VPS13D: variants seen among roughly 807,000 people sequenced by gnomAD.
VPS13D encodes the protein vacuolar protein sorting 13 homolog D, also known as intermembrane lipid transfer protein VPS13D.
In VPS13D, 187 loss-of-function variants were observed where a neutral mutation model predicts 461.9. The observed-to-expected ratio is 0.40, with a 90% CI of 0.36 to 0.46. The LOEUF (loss-of-function observed/expected upper bound fraction) is 0.46, where lower values mean the gene tolerates loss of function less well. Among genes scored for constraint, VPS13D ranks in the 20% least tolerant of loss-of-function variants. The probability of loss-of-function intolerance (pLI) is 0.60; values close to 1 mark genes in which losing one functional copy is unlikely to be tolerated. For synonymous variants in VPS13D, 1,951 were observed against 1,986.3 expected, an observed-to-expected ratio of 0.98 and a Z score of 0.47; for missense variants, 4,711 against 5,364.9, an observed-to-expected ratio of 0.88 and a Z score of 3.81.
chr1:12,327,230 G>A (rs1430782212), intron 35 of VPS13D, among the ~76,000 whole-genome samples: 11 of 152,218 alleles, frequency 7.2e-5, no homozygotes, highest in Middle Eastern at 6.8e-3. Flanking sequence ...CCATGCCCTC[G>A]ATCATTTACA....
At chr1:12,472,762 T>C (rs934347665) in intron 67 of VPS13D, among the ~76,000 whole-genome samples, 27 of 152,252 alleles carry the variant, frequency 1.8e-4, no homozygotes, top group African/African-American at 6.5e-4. Flanking sequence ...CTTTCCCCTT[T>C]ACCCCCAACT....
At chr1:12,476,480 G>T (rs781705721) in intron 67 of VPS13D, among the ~76,000 whole-genome samples, 1 of 152,198 alleles carries the variant, frequency 6.6e-6, no homozygotes, top group Non-Finnish European at 1.5e-5. Context: ...TCATTTACGT[G>T]TATTAATGTA....
At chr1:12,264,025 C>A (rs1262099571) in intron 13 of VPS13D, among the ~76,000 whole-genome samples, 1 of 152,138 alleles carries the variant, frequency 6.6e-6, no homozygotes, top group Non-Finnish European at 1.5e-5. Context: ...TAGTAATTTG[C>A]CCAGTATTTC....
intron 66 of VPS13D, among the ~76,000 whole-genome samples, chr1:12,456,374 A>G (rs1345722474): frequency 6.6e-6 from 1 of 152,058 alleles, no homozygotes; most frequent in East Asian, 1.9e-4. Context: ...ACAGTGGCTC[A>G]ATCCTGTAAT....
At chr1:12,319,825 T>C (rs1356089933) in intron 32 of VPS13D, among the ~76,000 whole-genome samples, 195 bp downstream of exon 32, 2 of 152,246 alleles carry the variant, frequency 1.3e-5, no homozygotes, top group East Asian at 3.8e-4. Flanking sequence ...CTCCCAGTGT[T>C]AGTCTATAAA....
chr1:12,303,417 C>T (rs1296963458), intron 25 of VPS13D, among the ~76,000 whole-genome samples: 1 of 152,110 alleles, frequency 6.6e-6, no homozygotes, highest in Admixed American at 6.5e-5. Context: ...AAACCAACTA[C>T]AGAGAGGATG....
chr1:12,376,757 G>C (rs1318176701), intron 55 of VPS13D, among the ~76,000 whole-genome samples: 2 of 152,188 alleles, frequency 1.3e-5, no homozygotes, highest in African/African-American at 2.4e-5. Flanking sequence ...TGATGTGTCT[G>C]ATGCTCTGGA....
intron 67 of VPS13D, among the ~76,000 whole-genome samples, chr1:12,472,219 C>T (rs1283849982): frequency 6.6e-6 from 1 of 152,170 alleles, no homozygotes; most frequent in African/African-American, 2.4e-5. Context: ...TTCTACTCCT[C>T]TTTAAAGATG....
At chr1:12,489,853 G>A (rs147919593) in intron 67 of VPS13D, among the ~76,000 whole-genome samples, 220 of 152,234 alleles carry the variant, frequency 1.4e-3, no homozygotes, top group Non-Finnish European at 2.6e-3. Context: ...GAAAACCATC[G>A]CTCCAAGAAG....
chr1:12,335,801 C>T lies in VPS13D; in HGVS notation c.8525C>T (p.Ser2842Leu), dbSNP rs774443972. 1.2e-5 allele frequency: 19 copies of T among 1,613,930 alleles called. No homozygotes were observed. Among genetic ancestry groups the T allele is most frequent in the East Asian group, 4.5e-5 (2 of 44,882 alleles). ...SAKSEDWMGS[S>L]VDPPCFGQSL... Reference sequence around the variant, plus strand: ...AAATCAGAAGACTGGATGGGCTCTTCGGTGGATCCTCCATGTTTTGGACAA... The same window carrying T: ...AAATCAGAAGACTGGATGGGCTCTTTGGTGGATCCTCCATGTTTTGGACAA... The change falls in exon 39 of 70, where the codon TCG (serine) becomes TTG (leucine). Residue 2842 changes from serine to leucine, a missense_variant. This residue lies in a region of VPS13D where 4,411 missense variants were observed against 4,937.8 expected (regional missense o/e 0.89). Transcript: ENST00000620676.
At chr1:12,329,947 A>G in intron 37 of VPS13D, 29 bp downstream of exon 37, 5 of 1,456,392 alleles carry the variant, frequency 3.4e-6, no homozygotes, top group Non-Finnish European at 4.6e-6. Context: ...TTATCATGGG[A>G]TTTAAAAAAT....
intron 34 of VPS13D, 33 bp from the exon 35 acceptor site, chr1:12,323,673 A>G (rs750907173): frequency 5.3e-5 from 84 of 1,584,894 alleles, no homozygotes; most frequent in Non-Finnish European, 6.9e-5. Context: ...ACATAAAATT[A>G]TTTATGAAAA....
intron 65 of VPS13D, among the ~76,000 whole-genome samples, chr1:12,450,568 C>T (rs557286993): frequency 2.6e-5 from 4 of 152,270 alleles, no homozygotes; most frequent in African/African-American, 9.6e-5. Flanking sequence ...ACATGTGATC[C>T]GATTCTGTCG....
At chr1:12,339,469 C>G (rs928182600) in intron 40 of VPS13D, among the ~76,000 whole-genome samples, 5 of 152,160 alleles carry the variant, frequency 3.3e-5, no homozygotes, top group East Asian at 1.9e-4. Context: ...TAGAAATTTC[C>G]TTAGCTGGAG....
At chr1:12,439,466 T>C (rs1645102953) in intron 65 of VPS13D, among the ~76,000 whole-genome samples, 1 of 151,138 alleles carries the variant, frequency 6.6e-6, no homozygotes, top group African/African-American at 2.4e-5. Context: ...CCTCCAGCTA[T>C]ACCTCTTCTC....
intron 68 of VPS13D, chr1:12,500,314 T>G (rs1296448246): frequency 1.2e-6 from 1 of 859,876 alleles, no homozygotes; most frequent in Non-Finnish European, 1.4e-6. Context: ...CTTCCCATCT[T>G]TCTCAGTTTT....
intron 17 of VPS13D, among the ~76,000 whole-genome samples, chr1:12,272,800 T>G (rs1641491184): frequency 6.6e-6 from 1 of 152,206 alleles, no homozygotes; most frequent in African/African-American, 2.4e-5. Context: ...ATTTTTTTTC[T>G]CCCCTGTTCA....
At chr1:12,246,478 A>G (rs1464552645) in intron 5 of VPS13D, among the ~76,000 whole-genome samples, 1 of 152,188 alleles carries the variant, frequency 6.6e-6, no homozygotes, top group Non-Finnish European at 1.5e-5. Context: ...AGTTAAGTAT[A>G]ATGCAAATAT....
intron 37 of VPS13D, among the ~76,000 whole-genome samples, chr1:12,331,082 AT>A (rs1442374801): frequency 6.6e-6 from 1 of 152,228 alleles, no homozygotes; most frequent in African/African-American, 2.4e-5. Context: ...CTTTCTTCCC[AT>A]TTGAAAGACC....
Sources: allele counts gnomAD v4.1 joint callset (sites outside exome capture counted in the v4.1 genomes callset), GRCh38; gene constraint gnomAD v4.1.1; regional missense constraint gnomAD v4.1.1; transcripts MANE v1.5; gene names NCBI Gene and HGNC (gene_info 2026-07-23, HGNC 2026-07-21).